Variants in TTYH1 observed in about 807,000 individuals in gnomAD.
TTYH1 encodes the protein protein tweety homolog 1.
TTYH1 carries 33 observed loss-of-function variants against 61.2 expected under a neutral mutation model. The observed-to-expected ratio is 0.54, with a 90% CI of 0.41 to 0.72. TTYH1 has a LOEUF of 0.72. Ranked by LOEUF, TTYH1 falls within the 30% of genes least tolerant of loss-of-function variation. The pLI is 0.00. For missense variants in TTYH1, 538 were observed against 575.8 expected (o/e 0.93, Z 0.67); for synonymous variants, 308 against 266.4 (o/e 1.16, Z -1.52).
chr19:54,436,360 C>A lies in TTYH1; in HGVS notation c.*70C>A, dbSNP rs1169104063. 4 of 1,614,100 alleles carry A rather than the reference C, an allele frequency of 2.5e-6. No homozygotes were observed. On this transcript the variant is annotated 3_prime_UTR_variant, in exon 14 of 14. Transcript: ENST00000376530. This position sits in a 1 kb window ranked among gnomAD's most constrained non-coding sequence, Gnocchi z 4.3. ...CCTTCCCTGGCTGCCGGAGGAGACC[C>A]CACTAACCCAGCCTGCCTGGGCTCT...
Position 54,429,090 on chromosome 19 carries a change from C to CA in TTYH1, c.735-216dup, listed in dbSNP as rs2083383650. Among the ~76,000 whole-genome samples, 1 of 152,186 alleles carries CA rather than the reference C, an allele frequency of 6.6e-6. No homozygotes were observed. Among genetic ancestry groups the CA allele is most frequent in the African/African-American group, 2.4e-5 (1 of 41,454 alleles). On this transcript the variant is annotated intron_variant, in intron 5 of 13. Coordinates refer to ENST00000376530, the MANE Select transcript of TTYH1 (RefSeq NM_020659.4). This position sits in a 1 kb window ranked among gnomAD's most constrained non-coding sequence, Gnocchi z 5.1. ...CCAGCCCAGGGCCCTGCTCATACCC[C>CA]ACACCCTGCTCATCTGGGCAGGAGC...
At position 54,416,699 on chromosome 19, in the gene TTYH1, C is replaced by T. The variant is rs2083084627; in HGVS notation, c.126+1021C>T. The stretch of plus-strand genomic sequence containing the variant: ...GCTGTGTTCTGAGCTATTTGGGTCA[C>T]GGCTGGCACAGCCCTGAGCAGCTCT... On this transcript the variant is annotated intron_variant, in intron 1 of 13. Coordinates refer to ENST00000376530, the MANE Select transcript of TTYH1 (RefSeq NM_020659.4). This position sits in a 1 kb window ranked among gnomAD's most constrained non-coding sequence, Gnocchi z 7.0. 3.2e-6 allele frequency: 4 copies of T among 1,255,322 alleles called. No individual in the cohort carries two copies. Among genetic ancestry groups the T allele is most frequent in the South Asian group, 2.5e-5 (2 of 78,790 alleles). The allele number at this position is 1,255,322 out of a possible 1,614,324, so 77.8% of individuals were successfully genotyped here. A position where few individuals can be genotyped will look rare whatever the true frequency, so the allele number is the denominator to read the frequency against.
rs1406988877 is a variant in TTYH1, at chr19:54,421,705, C to T, written c.417+317C>T. Among the ~76,000 whole-genome samples, 1 of 152,052 alleles carries T rather than the reference C, an allele frequency of 6.6e-6. No individual in the cohort carries two copies. Among genetic ancestry groups the T allele is most frequent in the African/African-American group, 2.4e-5 (1 of 41,422 alleles). ...AGGGCCCCAGACCTGATTCTTGGCC[C>T]GTAAGCAAGCTCAGGGACCCCCGCC... On this transcript the variant is annotated intron_variant, in intron 3 of 13. Coordinates refer to ENST00000376530, the MANE Select transcript of TTYH1 (RefSeq NM_020659.4). The surrounding 1 kb of genome is among the most constrained non-coding windows in gnomAD (Gnocchi z 4.8).
chr19:54,428,503 G>A (rs557903708), intron 5 of TTYH1, among the ~76,000 whole-genome samples: 1 of 152,132 alleles, frequency 6.6e-6, no homozygotes, highest in East Asian at 1.9e-4. Context: ...TGGGTTTACA[G>A]GCATGAGCTA....
chr19:54,426,302 T>C (rs970247715), intron 4 of TTYH1, among the ~76,000 whole-genome samples: 4 of 152,102 alleles, frequency 2.6e-5, no homozygotes, highest in Non-Finnish European at 5.9e-5. Flanking sequence ...AGGGATGCGA[T>C]GGGATCTTTG....
chr19:54,426,535 C>T (rs890113713), intron 4 of TTYH1, 138 bp from the exon 5 acceptor site: 1 of 714,366 alleles, frequency 1.4e-6, no homozygotes, highest in East Asian at 2.5e-5. Context: ...ACACAGTAAA[C>T]AGCAGGAGGC....
At chr19:54,432,811 T>G (rs572263128) in intron 10 of TTYH1, 1 of 152,330 alleles carries the variant, frequency 6.6e-6, no homozygotes, top group African/African-American at 2.4e-5. Flanking sequence ...CAAATGTAAC[T>G]GGAAGTCCTG....
rs1407838261 is a variant in TTYH1 at position 54,436,519 on chromosome 19, G to A, written c.*229G>A. 7.0e-6 allele frequency: 6 copies of A among 853,878 alleles called. No homozygotes were observed. Among genetic ancestry groups the A allele is most frequent in the South Asian group, 1.5e-5 (1 of 65,204 alleles). 52.9% of individuals were successfully genotyped at this position (853,878 alleles called of 1,614,324 possible). A position where few individuals can be genotyped will look rare whatever the true frequency, so the allele number is the denominator to read the frequency against. ...ACTAGGGAGTAGGGCTGGCAGGGGA[G>A]GGGGCAGACAGCCTCGCCTCGCACC... On this transcript the variant is annotated 3_prime_UTR_variant, in exon 14 of 14. Transcript: ENST00000376530. This position sits in a 1 kb window ranked among gnomAD's most constrained non-coding sequence, Gnocchi z 4.3.
intron 1 of TTYH1, among the ~76,000 whole-genome samples, chr19:54,417,218 CCA>C (rs1480756211): frequency 2.6e-5 from 4 of 151,350 alleles, no homozygotes; most frequent in Non-Finnish European, 5.9e-5. Context: ...CCAGACACGC[CCA>C]CTTATTCCAA....
chr19:54,436,245 G>A lies in TTYH1; in HGVS notation c.*42+74G>A. On this transcript the variant is annotated intron_variant, in intron 13 of 13. Transcript: ENST00000376530. The surrounding 1 kb of genome is among the most constrained non-coding windows in gnomAD (Gnocchi z 4.3). Reference sequence around the variant, plus strand: ...CCTCCCGCCCTCCGAGCTGCTCCAGGCATGGGCTGCGTGCCTCCTGCTGGG... The same window carrying A: ...CCTCCCGCCCTCCGAGCTGCTCCAGACATGGGCTGCGTGCCTCCTGCTGGG... 1 of 1,608,508 alleles carries A rather than the reference G, an allele frequency of 6.2e-7. No homozygotes were observed. The highest frequency in any genetic ancestry group is 8.5e-7 in the Non-Finnish European group (1 of 1,175,590).
At chr19:54,422,143 T>C in intron 3 of TTYH1, 47 bp from the exon 4 acceptor site, 1 of 1,484,516 alleles carries the variant, frequency 6.7e-7, no homozygotes, top group Non-Finnish European at 9.1e-7. Flanking sequence ...GACCGCGGGC[T>C]CCCCCCAGGA....
intron 1 of TTYH1, chr19:54,418,162 C>G (rs1425871890): frequency 2.6e-5 from 4 of 152,166 alleles, no homozygotes; most frequent in Non-Finnish European, 4.4e-5. Context: ...CAGTGCAAAC[C>G]CCCTGGGCCA....
At chr19:54,425,337 TAG>T (rs574556457) in intron 4 of TTYH1, among the ~76,000 whole-genome samples, 28 of 152,288 alleles carry the variant, frequency 1.8e-4, no homozygotes, top group South Asian at 4.1e-4. Context: ...CAAGTTTTAA[TAG>T]AGTGAAAACA....
At position 54,436,485 on chromosome 19, in the gene TTYH1, A is replaced by T. The variant is rs1283702740; in HGVS notation, c.*195A>T. The T allele has an allele frequency of 1.6e-6, 2 of 1,219,876 alleles. No homozygotes were observed. The highest frequency in any genetic ancestry group is 4.8e-5 in the East Asian group (2 of 41,978). The allele number at this position is 1,219,876 out of a possible 1,614,324, so 75.6% of individuals were successfully genotyped here. A position where few individuals can be genotyped will look rare whatever the true frequency, so the allele number is the denominator to read the frequency against. On this transcript the variant is annotated 3_prime_UTR_variant, in exon 14 of 14. Transcript: ENST00000376530. The surrounding 1 kb of genome is among the most constrained non-coding windows in gnomAD (Gnocchi z 4.3). ...CTGTCCTTGGCCTTGGGAGTAGCTG[A>T]GGGGGCAGACTAGGGAGTAGGGCTG...
rs1271873903 is a variant in TTYH1, at chr19:54,421,846, ACT to A, written c.418-341_418-340del. On this transcript the variant is annotated intron_variant, in intron 3 of 13. Coordinates refer to ENST00000376530, the MANE Select transcript of TTYH1 (RefSeq NM_020659.4). The surrounding 1 kb of genome is among the most constrained non-coding windows in gnomAD (Gnocchi z 4.8). Reference sequence around the variant, plus strand: ...CCTTAGATTCCATGTCCAGCTGCAGACTCTAGACCATGGGACCCAGACTTGAG... The same window carrying A: ...CCTTAGATTCCATGTCCAGCTGCAGACTAGACCATGGGACCCAGACTTGAG... Among the ~76,000 whole-genome samples the A allele has an allele frequency of 6.6e-6, 1 of 151,974 alleles. No individual in the cohort carries two copies. Among genetic ancestry groups the A allele is most frequent in the East Asian group, 1.9e-4 (1 of 5,164 alleles).
Position 54,435,694 on chromosome 19 carries a change from GGGGGAGGGTAGGGTCCT to G in TTYH1, c.1268+19_1268+35del. ...CCCTCTTCCCACCCAGGTCAGGAGC[GGGGGAGGGTAGGGTCCT>G]GGGGAGGGAAGAGGAGGGGCAGCAC... is the stretch of plus-strand genomic sequence containing the variant. On this transcript the variant is annotated intron_variant, in intron 11 of 13. Coordinates refer to ENST00000376530, the MANE Select transcript of TTYH1 (RefSeq NM_020659.4). 1 of 1,608,248 alleles carries G rather than the reference GGGGGAGGGTAGGGTCCT, an allele frequency of 6.2e-7. No individual in the cohort carries two copies. Among genetic ancestry groups the G allele is most frequent in the Non-Finnish European group, 8.5e-7 (1 of 1,177,240 alleles).
chr19:54,429,460 G>C lies in TTYH1; in HGVS notation c.807+81G>C. 2 of 1,332,356 alleles carry C rather than the reference G, an allele frequency of 1.5e-6. No individual in the cohort carries two copies. The allele number at this position is 1,332,356 out of a possible 1,614,324, so 82.5% of individuals were successfully genotyped here. On this transcript the variant is annotated intron_variant, in intron 6 of 13. Transcript: ENST00000376530. This position sits in a 1 kb window ranked among gnomAD's most constrained non-coding sequence, Gnocchi z 5.1. ...AACTTCTGGATCTCGGGATGGCATGGCTTAGTAGAGAAAGGAATTGGGGGG... is the reference window on the plus strand; with the variant it reads ...AACTTCTGGATCTCGGGATGGCATGCCTTAGTAGAGAAAGGAATTGGGGGG...
chr19:54,430,610 G>A lies in TTYH1; in HGVS notation c.939+5G>A. The A allele has an allele frequency of 6.2e-7, 1 of 1,613,940 alleles. No homozygotes were observed. Among genetic ancestry groups the A allele is most frequent in the Non-Finnish European group, 8.5e-7 (1 of 1,179,932 alleles). On this transcript the variant is annotated splice_donor_5th_base_variant and intron_variant, in intron 8 of 13. Coordinates refer to ENST00000376530, the MANE Select transcript of TTYH1 (RefSeq NM_020659.4). ...GTCTCCAACCCCTTCCAACAGGTTAGGGCTGCGGGCAGGGGAAACGGGTGT... is the reference window on the plus strand; with the variant it reads ...GTCTCCAACCCCTTCCAACAGGTTAAGGCTGCGGGCAGGGGAAACGGGTGT...
chr19:54,419,235 C>T lies in TTYH1; in HGVS notation c.234C>T (p.Pro78=), dbSNP rs377628725. Residue 78 remains proline (P), a synonymous_variant, in exon 2 of 14, where the codon CCC becomes CCT. Transcript: ENST00000376530. This position sits in a 1 kb window ranked among gnomAD's most constrained non-coding sequence, Gnocchi z 6.1. The stretch of plus-strand genomic sequence containing the variant: ...GCTGCTGCCGGCCCCCCGAGCCCCC[C>T]GGGTCCAAGATCCCCTCGCCCGGGG... ...RFCCCRPPEP[P]GSKIPSPGGG... 3.1e-5 allele frequency: 50 copies of T among 1,609,168 alleles called. No homozygotes were observed. Among genetic ancestry groups the T allele is most frequent in the Middle Eastern group, 3.3e-4 (2 of 6,060 alleles).
Sources: allele counts gnomAD v4.1 joint callset (sites outside exome capture counted in the v4.1 genomes callset), GRCh38; gene constraint gnomAD v4.1.1; non-coding constraint Gnocchi (gnomAD v3.1); transcripts MANE v1.5; gene names NCBI Gene and HGNC (gene_info 2026-07-23, HGNC 2026-07-21).